Variants in KCNQ1 observed in about 807,000 individuals in gnomAD.
KCNQ1 encodes potassium voltage-gated channel subfamily KQT member 1.
KCNQ1 carries 49 observed loss-of-function variants against 72.4 expected under a neutral mutation model. That is an observed-to-expected ratio of 0.68 (90% CI 0.54 to 0.86). The LOEUF (loss-of-function observed/expected upper bound fraction) is 0.86, where lower values mean the gene tolerates loss of function less well. KCNQ1 is among the 40% of genes least tolerant of loss of function. The pLI is 0.00. For synonymous variants in KCNQ1, 450 were observed against 412.6 expected (o/e 1.09, Z -1.10); for missense variants, 790 against 945.1 (o/e 0.84, Z 2.15).
rs1156432562 is a variant in KCNQ1 at position 2,704,944 on chromosome 11, A to G, written c.1514+42863A>G. On this transcript the variant is annotated intron_variant, in intron 11 of 15. Coordinates refer to ENST00000155840, the MANE Select transcript of KCNQ1 (RefSeq NM_000218.3). The surrounding 1 kb of genome is among the most constrained non-coding windows in gnomAD (Gnocchi z 4.3). Reference sequence around the variant, plus strand: ...ATCCCTCCACCCAGCTGCAGTGACAACTCTGTGGCTCTGGGGCACTGTCAC... The same window carrying G: ...ATCCCTCCACCCAGCTGCAGTGACAGCTCTGTGGCTCTGGGGCACTGTCAC... 2.0e-5 allele frequency among the ~76,000 whole-genome samples: 3 copies of G among 151,782 alleles called. No individual in the cohort carries two copies. Among genetic ancestry groups the G allele is most frequent in the African/African-American group, 7.3e-5 (3 of 41,272 alleles).
chr11:2,597,634 G>A (rs1194677161), intron 10 of KCNQ1, among the ~76,000 whole-genome samples: 4 of 152,132 alleles, frequency 2.6e-5, no homozygotes, highest in African/African-American at 4.8e-5. Context: ...TACCTTCCTT[G>A]TTCTGTGTCT....
rs929192798 is a variant in KCNQ1 at position 2,703,437 on chromosome 11, G to C, written c.1514+41356G>C. ...GCTAGCGTTCCTTGCACTCCCTCCA[G>C]CTTTACTCTTTGGGGTTCAAAAGGT... On this transcript the variant is annotated intron_variant, in intron 11 of 15. Transcript: ENST00000155840. The surrounding 1 kb of genome is among the most constrained non-coding windows in gnomAD (Gnocchi z 6.4). 1.3e-5 allele frequency among the ~76,000 whole-genome samples: 2 copies of C among 152,176 alleles called. No homozygotes were observed. Among genetic ancestry groups the C allele is most frequent in the Admixed American group, 1.3e-4 (2 of 15,274 alleles).
chr11:2,737,054 G>A (rs1448120041), intron 11 of KCNQ1, among the ~76,000 whole-genome samples: 8 of 152,204 alleles, frequency 5.3e-5, no homozygotes, highest in African/African-American at 1.7e-4. Flanking sequence ...AGGAGCCAGG[G>A]GTACCACTTT....
chr11:2,560,627 C>T (rs951785540), intron 2 of KCNQ1, among the ~76,000 whole-genome samples: 17 of 151,806 alleles, frequency 1.1e-4, no homozygotes, highest in East Asian at 1.9e-4. Context: ...CAGGTCTTTA[C>T]GGGCCCCTCA....
At chr11:2,751,521 T>G (rs1846224841) in intron 11 of KCNQ1, among the ~76,000 whole-genome samples, 1 of 152,220 alleles carries the variant, frequency 6.6e-6, no homozygotes, top group South Asian at 2.1e-4. Context: ...GGAGGGACAG[T>G]GCAGCTCCGA....
chr11:2,703,561 T>G lies in KCNQ1; in HGVS notation c.1514+41480T>G, dbSNP rs1001542088. On this transcript the variant is annotated intron_variant, in intron 11 of 15. Transcript: ENST00000155840. This position sits in a 1 kb window ranked among gnomAD's most constrained non-coding sequence, Gnocchi z 6.4. ...ACGTCCACTCGGCTTTTCTCTTGAT[T>G]CCAAGGTATTTAGAGTGGGGGTGGG... Among the ~76,000 whole-genome samples the G allele has an allele frequency of 1.3e-5, 2 of 152,292 alleles. No individual in the cohort carries two copies. The highest frequency in any genetic ancestry group is 4.1e-4 in the South Asian group (2 of 4,824).
At chr11:2,681,746 C>G in intron 11 of KCNQ1, 2 of 398,388 alleles carry the variant, frequency 5.0e-6, no homozygotes, top group Non-Finnish European at 8.8e-6. Flanking sequence ...TGATCACACA[C>G]CAGGGCACTG....
Position 2,698,741 on chromosome 11 carries a change from T to C in KCNQ1, c.1514+36660T>C. The C allele has an allele frequency of 2.5e-6, 1 of 398,516 alleles. No homozygotes were observed. 24.7% of individuals were successfully genotyped at this position (398,516 alleles called of 1,614,324 possible). Reference sequence around the variant, plus strand: ...GTCGCCAACTCGGACCTCCCTTGGATCTCAACTCAGAGCCATGATGCAGAC... The same window carrying C: ...GTCGCCAACTCGGACCTCCCTTGGACCTCAACTCAGAGCCATGATGCAGAC... On this transcript the variant is annotated intron_variant, in intron 11 of 15. Coordinates refer to ENST00000155840, the MANE Select transcript of KCNQ1 (RefSeq NM_000218.3). This position sits in a 1 kb window ranked among gnomAD's most constrained non-coding sequence, Gnocchi z 5.1.
intron 11 of KCNQ1, chr11:2,684,664 G>A: frequency 2.5e-6 from 1 of 398,642 alleles, no homozygotes; most frequent in Non-Finnish European, 4.4e-6. Flanking sequence ...AGGCTTGTTG[G>A]ATGTGCAGGG....
Position 2,445,316 on chromosome 11 carries a change from C to T in KCNQ1, c.218C>T (p.Pro73Leu). 1.3e-6 allele frequency: 2 copies of T among 1,523,670 alleles called. No homozygotes were observed. Among genetic ancestry groups the T allele is most frequent in the Non-Finnish European group, 1.8e-6 (2 of 1,142,738 alleles). The allele number at this position is 1,523,670 out of a possible 1,614,324, so 94.4% of individuals were successfully genotyped here. Residue 73 changes from proline to leucine, a missense_variant, in exon 1 of 16, where the codon CCC becomes CTC. Transcript: ENST00000155840. The stretch of plus-strand genomic sequence containing the variant: ...GCGTCCCCGGCCGCGCCCGCCGCGC[C>T]CCCAGTTGCCTCCGACCTTGGCCCG... ...PPASPAAPAA[P>L]PVASDLGPRP...
intron 11 of KCNQ1, chr11:2,681,603 C>T (rs956618294): frequency 4.3e-5 from 17 of 398,284 alleles, no homozygotes; most frequent in African/African-American, 2.5e-4. Flanking sequence ...CTTGCTCACT[C>T]GCTCTCCCCA....
intron 1 of KCNQ1, among the ~76,000 whole-genome samples, chr11:2,523,571 C>G (rs886514449): frequency 1.3e-5 from 2 of 152,142 alleles, no homozygotes; most frequent in African/African-American, 4.8e-5. Context: ...ACCCAAACAG[C>G]ACGAGAATCG....
At chr11:2,701,088 GGAGCCAGCCAAGC>G (rs1421597430) in intron 11 of KCNQ1, among the ~76,000 whole-genome samples, 1 of 152,170 alleles carries the variant, frequency 6.6e-6, no homozygotes, top group Admixed American at 6.5e-5. Context: ...GGGGGAGGCT[GGAGCCAGCCAAGC>G]GAGCCAGCCG....
At chr11:2,680,874 C>T in intron 11 of KCNQ1, 1 of 398,598 alleles carries the variant, frequency 2.5e-6, no homozygotes, top group Non-Finnish European at 4.4e-6. Flanking sequence ...TGAAGATTCA[C>T]CCAGGTTATT....
Position 2,600,050 on chromosome 11 carries a change from C to T in KCNQ1, c.1393+11196C>T, listed in dbSNP as rs1205264411. On this transcript the variant is annotated intron_variant, in intron 10 of 15. Coordinates refer to ENST00000155840, the MANE Select transcript of KCNQ1 (RefSeq NM_000218.3). The surrounding 1 kb of genome is among the most constrained non-coding windows in gnomAD (Gnocchi z 5.6). ...GGGTTCCTCTTTCCCGGCCGGCATT[C>T]CTGCCCACCAGTCCTGGCAGAGTGA... Among the ~76,000 whole-genome samples, 1 of 152,150 alleles carries T rather than the reference C, an allele frequency of 6.6e-6. No individual in the cohort carries two copies. The highest frequency in any genetic ancestry group is 2.4e-5 in the African/African-American group (1 of 41,436).
At chr11:2,753,482 C>T (rs1243368241) in intron 11 of KCNQ1, among the ~76,000 whole-genome samples, 4 of 152,180 alleles carry the variant, frequency 2.6e-5, no homozygotes. Context: ...TCAAAGCCTC[C>T]CTACCTGCTC....
rs943692745 is a variant in KCNQ1 at position 2,711,315 on chromosome 11, C to G, written c.1514+49234C>G. On this transcript the variant is annotated intron_variant, in intron 11 of 15. Transcript: ENST00000155840. The surrounding 1 kb of genome is among the most constrained non-coding windows in gnomAD (Gnocchi z 5.4). ...TCTCCCCGACTCCAGGGCTCATGGC[C>G]CCTTTCAGGCCCTTGGCTTCTGGTA... Among the ~76,000 whole-genome samples the G allele has an allele frequency of 2.0e-5, 3 of 152,204 alleles. No individual in the cohort carries two copies. The highest frequency in any genetic ancestry group is 6.5e-5 in the Admixed American group (1 of 15,288).
At chr11:2,552,031 T>G (rs1003524526) in intron 2 of KCNQ1, among the ~76,000 whole-genome samples, 10 of 152,250 alleles carry the variant, frequency 6.6e-5, no homozygotes, top group Non-Finnish European at 1.0e-4. Flanking sequence ...CTCCCAGTCA[T>G]GGCTTTGTCT....
rs899652540 is a variant in KCNQ1, at chr11:2,473,943, G to T, written c.386+28459G>T. Among the ~76,000 whole-genome samples the T allele has an allele frequency of 2.0e-5, 3 of 152,254 alleles. No individual in the cohort carries two copies. The highest frequency in any genetic ancestry group is 1.3e-4 in the Admixed American group (2 of 15,288). On this transcript the variant is annotated intron_variant, in intron 1 of 15. Transcript: ENST00000155840. The surrounding 1 kb of genome is among the most constrained non-coding windows in gnomAD (Gnocchi z 6.0). ...CTCCTTCACCAAATCCGCAAAATAG[G>T]CCTGATGCCAGGAACGGGGCACTGC...
Sources: gnomAD v4.1 joint callset for allele counts (sites outside exome capture counted in the v4.1 genomes callset) on GRCh38, gnomAD v4.1.1 for gene constraint, Gnocchi (gnomAD v3.1) non-coding constraint, MANE v1.5 for transcripts, NCBI Gene and HGNC (gene_info 2026-07-23, HGNC 2026-07-21) for gene names.